Variants in MEI4 observed in about 807,000 individuals in gnomAD.
MEI4 encodes the protein meiosis-specific protein MEI4.
Under a neutral mutation model 31.4 loss-of-function variants are expected in MEI4, and 27 were observed. The ratio of observed to expected loss-of-function variants is 0.86; its 90% CI spans 0.63 to 1.19. MEI4 has a LOEUF of 1.19. Among genes scored for constraint, MEI4 ranks in the 50% most tolerant of loss-of-function variants. MEI4 has a pLI of 0.00. For missense variants in MEI4, 329 were observed against 398.9 expected (o/e 0.82, Z 1.49); for synonymous variants, 122 against 145.4 (o/e 0.84, Z 1.16).
Position 77,829,044 on chromosome 6 carries a change from T to A in MEI4, c.882T>A (p.Asp294Glu), listed in dbSNP as rs1764503272. 5 of 1,231,826 alleles carry A rather than the reference T, an allele frequency of 4.1e-6. No individual in the cohort carries two copies. The highest frequency in any genetic ancestry group is 8.4e-5 in the Admixed American group (2 of 23,678). The allele number at this position is 1,231,826 out of a possible 1,614,324, so 76.3% of individuals were successfully genotyped here. The change falls in exon 4 of 5, where the codon GAT becomes GAA. Residue 294 changes from aspartate (D) to glutamate (E), a missense_variant. Coordinates refer to ENST00000684080, the MANE Select transcript of MEI4 (RefSeq NM_001322247.2). ...CAGAAGTAAATGGCTTTGCTGATGA[T>A]CTGGGAGCCATCAATCAGGTACACA... Reference protein sequence around the residue: ...LLSEVNGFADDLGAINQEQAS... With the variant: ...LLSEVNGFADELGAINQEQAS...
At chr6:77,742,198 T>G (rs1767427217) in intron 2 of MEI4, among the ~76,000 whole-genome samples, 1 of 152,002 alleles carries the variant, frequency 6.6e-6, no homozygotes, top group Non-Finnish European at 1.5e-5. Context: ...ATCGCCACAC[T>G]GACTTCCACA....
chr6:77,903,681 T>C (rs13199069), intron 4 of MEI4, among the ~76,000 whole-genome samples: 13,989 of 152,156 alleles, frequency 0.092, 937 homozygotes, highest in East Asian at 0.31. Context: ...TTGTCATATA[T>C]AGCTTTTCTT....
At chr6:77,823,678 T>C (rs1769880262) in intron 3 of MEI4, among the ~76,000 whole-genome samples, 1 of 152,060 alleles carries the variant, frequency 6.6e-6, no homozygotes, top group Non-Finnish European at 1.5e-5. Flanking sequence ...TTTGTTTTAT[T>C]CTTGCTTTAA....
intron 2 of MEI4, among the ~76,000 whole-genome samples, chr6:77,733,187 G>A (rs1048282867): frequency 6.6e-6 from 1 of 151,826 alleles, no homozygotes; most frequent in African/African-American, 2.4e-5. Flanking sequence ...GATTGGAATA[G>A]TTTCAGAAGG....
chr6:77,729,028 A>C lies in MEI4; in HGVS notation c.233-32102A>C, dbSNP rs73759419. Among the ~76,000 whole-genome samples, 673 of 152,340 alleles carry C rather than the reference A, an allele frequency of 4.4e-3. 8 individuals are homozygous for C. The highest frequency in any genetic ancestry group is 0.016 in the African/African-American group (647 of 41,564). On this transcript the variant is annotated intron_variant, in intron 2 of 4. Coordinates refer to ENST00000684080, the MANE Select transcript of MEI4 (RefSeq NM_001322247.2). ...AGAACATGTAAGGCTCTACTTTCAC[A>C]AAATAGAAAGTAAGTGAAGAGAAGC...
intron 3 of MEI4, among the ~76,000 whole-genome samples, chr6:77,785,842 T>C (rs1023149381): frequency 6.6e-6 from 1 of 152,162 alleles, no homozygotes; most frequent in African/African-American, 2.4e-5. Flanking sequence ...ATATAAATAG[T>C]CATCAGCTTT....
At chr6:77,755,579 C>A (rs964116857) in intron 2 of MEI4, among the ~76,000 whole-genome samples, 1 of 151,968 alleles carries the variant, frequency 6.6e-6, no homozygotes, top group Non-Finnish European at 1.5e-5. Context: ...CCACCACACC[C>A]GGCTAACTTT....
chr6:77,675,711 G>A (rs1031564056), intron 1 of MEI4, among the ~76,000 whole-genome samples: 7 of 151,966 alleles, frequency 4.6e-5, no homozygotes, highest in Non-Finnish European at 7.4e-5. Context: ...TTTAGGGAGG[G>A]AAAACCATAG....
chr6:77,750,189 A>G (rs1767731322), intron 2 of MEI4, among the ~76,000 whole-genome samples: 2 of 152,218 alleles, frequency 1.3e-5, no homozygotes, highest in Non-Finnish European at 2.9e-5. Flanking sequence ...AAGACTATCA[A>G]TGCTGTGAAG....
intron 4 of MEI4, among the ~76,000 whole-genome samples, chr6:77,873,528 C>T (rs144537909): frequency 6.6e-5 from 10 of 152,204 alleles, no homozygotes; most frequent in East Asian, 3.9e-4. Flanking sequence ...GAGTACGTTG[C>T]GAAAATTTTC....
chr6:77,815,061 T>C (rs1417998138), intron 3 of MEI4, among the ~76,000 whole-genome samples: 3 of 152,092 alleles, frequency 2.0e-5, no homozygotes, highest in Non-Finnish European at 4.4e-5. Flanking sequence ...CTGTGTAGGA[T>C]TGAATGGCCC....
intron 2 of MEI4, among the ~76,000 whole-genome samples, chr6:77,700,385 C>A (rs532592608): frequency 1.3e-4 from 20 of 152,314 alleles, no homozygotes; most frequent in Non-Finnish European, 2.6e-4. Flanking sequence ...GGTGTAGGAC[C>A]CTCCTAGCCA....
At chr6:77,898,875 G>C (rs918330098) in intron 4 of MEI4, among the ~76,000 whole-genome samples, 1 of 151,866 alleles carries the variant, frequency 6.6e-6, no homozygotes, top group Non-Finnish European at 1.5e-5. Context: ...AAAGAGTAAG[G>C]GACCTGAAGA....
At chr6:77,799,354 T>C (rs1316656293) in intron 3 of MEI4, among the ~76,000 whole-genome samples, 1 of 152,186 alleles carries the variant, frequency 6.6e-6, no homozygotes, top group African/African-American at 2.4e-5. Flanking sequence ...GTTTTTTTCT[T>C]CTAAATTTGT....
At chr6:77,762,443 T>C (rs1768066678) in intron 3 of MEI4, among the ~76,000 whole-genome samples, 1 of 152,190 alleles carries the variant, frequency 6.6e-6, no homozygotes, top group Non-Finnish European at 1.5e-5. Context: ...TCTGGGAAAT[T>C]CCAAATGGCT....
At chr6:77,766,981 C>T (rs1392458177) in intron 3 of MEI4, among the ~76,000 whole-genome samples, 1 of 152,042 alleles carries the variant, frequency 6.6e-6, no homozygotes, top group Admixed American at 6.6e-5. Flanking sequence ...ATGTTCATGG[C>T]TATTAACCAG....
intron 3 of MEI4, among the ~76,000 whole-genome samples, chr6:77,769,962 A>G (rs1390607475): frequency 6.6e-6 from 1 of 151,792 alleles, no homozygotes; most frequent in Non-Finnish European, 1.5e-5. Flanking sequence ...CTTCTGCTTG[A>G]GAAAAGGAGA....
intron 3 of MEI4, among the ~76,000 whole-genome samples, chr6:77,770,819 A>T (rs1327270051): frequency 6.6e-6 from 1 of 152,066 alleles, no homozygotes; most frequent in African/African-American, 2.4e-5. Context: ...ACAAACAAAA[A>T]AAATAACTGC....
chr6:77,667,375 A>C (rs969620705), intron 1 of MEI4, among the ~76,000 whole-genome samples: 4 of 152,168 alleles, frequency 2.6e-5, no homozygotes, highest in African/African-American at 9.6e-5. Context: ...TCTCATTTCC[A>C]TATCGATAAA....
Sources: gnomAD v4.1 joint callset for allele counts (sites outside exome capture counted in the v4.1 genomes callset) on GRCh38, gnomAD v4.1.1 for gene constraint, MANE v1.5 for transcripts, NCBI Gene and HGNC (gene_info 2026-07-23, HGNC 2026-07-21) for gene names.